EPHB1: variants seen among roughly 807,000 people sequenced by gnomAD.
EPHB1 encodes the protein EPH receptor B1.
Under a neutral mutation model 94.4 loss-of-function variants are expected in EPHB1, and 30 were observed. The observed-to-expected ratio is 0.32, with a 90% CI of 0.24 to 0.43. EPHB1 has a LOEUF of 0.43. Ranked by LOEUF, EPHB1 falls within the 20% of genes least tolerant of loss-of-function variation. The pLI is 1.00. For synonymous variants in EPHB1, 522 were observed against 489.1 expected (o/e 1.07, Z -0.89); for missense variants, 1,055 against 1,308.3 (o/e 0.81, Z 2.99).
intron 3 of EPHB1, among the ~76,000 whole-genome samples, chr3:134,978,505 G>C (rs1312452666): frequency 6.6e-6 from 1 of 152,158 alleles, no homozygotes; most frequent in East Asian, 1.9e-4. Flanking sequence ...CGGTGCTAAG[G>C]GGTTCCCAGA....
chr3:135,106,496 C>G lies in EPHB1; in HGVS notation c.854C>G (p.Ser285Cys). 6.2e-7 allele frequency: 1 copy of G among 1,614,028 alleles called. No homozygotes were observed. The highest frequency in any genetic ancestry group is 8.5e-7 in the Non-Finnish European group (1 of 1,179,886). ...FKASQEAEGC[S>C]HCPSNSRSPA... ...GCCAGCCAGGAAGCTGAAGGCTGCTCCCACTGCCCCTCCAACAGCCGCTCC... is the reference window on the plus strand; with the variant it reads ...GCCAGCCAGGAAGCTGAAGGCTGCTGCCACTGCCCCTCCAACAGCCGCTCC... The change falls in exon 4 of 16, where the codon TCC becomes TGC. Residue 285 changes from serine (S) to cysteine (C), a missense_variant. Coordinates refer to ENST00000398015, the MANE Select transcript of EPHB1 (RefSeq NM_004441.5).
intron 3 of EPHB1, among the ~76,000 whole-genome samples, chr3:134,972,233 C>A (rs533225199): frequency 6.6e-6 from 1 of 151,894 alleles, no homozygotes; most frequent in South Asian, 2.1e-4. Context: ...TTTTCCTTCT[C>A]CTTCAGAGCA....
At chr3:135,253,209 G>T (rs1195414734) in intron 15 of EPHB1, among the ~76,000 whole-genome samples, 15 of 150,472 alleles carry the variant, frequency 1.0e-4, no homozygotes, top group African/African-American at 2.2e-4. Flanking sequence ...AGAAGCTCTT[G>T]AGTTTAATTA....
chr3:135,253,714 A>G (rs1440776453), intron 15 of EPHB1, among the ~76,000 whole-genome samples: 499 of 147,868 alleles, frequency 3.4e-3, no homozygotes, highest in African/African-American at 0.011. Flanking sequence ...TTGGTTCCAT[A>G]TGAACTTTAA....
intron 3 of EPHB1, among the ~76,000 whole-genome samples, chr3:135,064,811 C>A (rs1937560398): frequency 2.6e-5 from 4 of 151,926 alleles, no homozygotes; most frequent in Non-Finnish European, 5.9e-5. Flanking sequence ...TCAGTTTATG[C>A]TCTTTTAGTC....
At chr3:135,252,566 T>C (rs977712517) in intron 15 of EPHB1, among the ~76,000 whole-genome samples, 2 of 149,078 alleles carry the variant, frequency 1.3e-5, no homozygotes, top group African/African-American at 4.9e-5. Context: ...TATGGCTGCA[T>C]AGTATTCCAC....
At chr3:135,122,334 A>C (rs1010868413) in intron 4 of EPHB1, among the ~76,000 whole-genome samples, 2 of 152,326 alleles carry the variant, frequency 1.3e-5, no homozygotes, top group East Asian at 3.9e-4. Flanking sequence ...TCCTCACTGT[A>C]GAAAGCTTTT....
At chr3:135,255,716 T>C (rs1442998462) in intron 15 of EPHB1, among the ~76,000 whole-genome samples, 11 of 151,286 alleles carry the variant, frequency 7.3e-5, no homozygotes, top group Non-Finnish European at 1.3e-4. Context: ...TGGAGAGTTC[T>C]GTAGATGTCT....
chr3:135,020,402 G>C (rs1470302001), intron 3 of EPHB1, among the ~76,000 whole-genome samples: 2 of 152,054 alleles, frequency 1.3e-5, no homozygotes, highest in Non-Finnish European at 2.9e-5. Flanking sequence ...AGAAGCCCTT[G>C]CCCAATAGCA....
intron 2 of EPHB1, 92 bp downstream of exon 2, chr3:134,925,972 T>C: frequency 8.8e-7 from 1 of 1,131,168 alleles, no homozygotes. Flanking sequence ...GAGCAGTACC[T>C]GTGGGGAATG....
At chr3:134,840,788 G>A (rs78938390) in intron 1 of EPHB1, among the ~76,000 whole-genome samples, 2,567 of 152,288 alleles carry the variant, frequency 0.017, 32 homozygotes, top group Non-Finnish European at 0.026. Flanking sequence ...TGAGGTCTCT[G>A]ACTGGCCCTC....
chr3:135,201,423 T>G, intron 11 of EPHB1, 51 bp from the exon 12 acceptor site: 1 of 1,591,082 alleles, frequency 6.3e-7, no homozygotes, highest in Non-Finnish European at 8.6e-7. Context: ...CTCCCTCTGC[T>G]TAACCATTGA....
chr3:135,200,699 A>C (rs1298328864), intron 11 of EPHB1, among the ~76,000 whole-genome samples: 1 of 152,138 alleles, frequency 6.6e-6, no homozygotes, highest in Non-Finnish European at 1.5e-5. Flanking sequence ...GACAGACAGA[A>C]AGACACACAC....
At chr3:135,055,403 G>T (rs1937320027) in intron 3 of EPHB1, among the ~76,000 whole-genome samples, 1 of 152,208 alleles carries the variant, frequency 6.6e-6, no homozygotes, top group Non-Finnish European at 1.5e-5. Context: ...GCCTGTGCTT[G>T]CCCAGGTGTT....
chr3:134,931,373 G>C (rs1278467065), intron 2 of EPHB1, among the ~76,000 whole-genome samples: 1 of 152,244 alleles, frequency 6.6e-6, no homozygotes, highest in Non-Finnish European at 1.5e-5. Context: ...TACTTTTGAA[G>C]TGGTTGGCCA....
At chr3:134,809,898 A>C (rs1340890843) in intron 1 of EPHB1, among the ~76,000 whole-genome samples, 1 of 152,328 alleles carries the variant, frequency 6.6e-6, no homozygotes, top group East Asian at 1.9e-4. Context: ...GCAGCGAATT[A>C]GGTCCATTTA....
intron 14 of EPHB1, among the ~76,000 whole-genome samples, chr3:135,248,738 A>G (rs1943989651): frequency 6.6e-6 from 1 of 152,098 alleles, no homozygotes; most frequent in Non-Finnish European, 1.5e-5. Context: ...GGAAAAAAGT[A>G]AACGAGTTTT....
intron 12 of EPHB1, among the ~76,000 whole-genome samples, chr3:135,232,589 A>G (rs925936656): frequency 2.0e-5 from 3 of 149,622 alleles, no homozygotes; most frequent in African/African-American, 7.3e-5. Flanking sequence ...TATACTTGAC[A>G]GAAACATTAA....
chr3:135,063,699 T>G (rs1330803720), intron 3 of EPHB1, among the ~76,000 whole-genome samples: 1 of 152,218 alleles, frequency 6.6e-6, no homozygotes, highest in Non-Finnish European at 1.5e-5. Context: ...CTTGTCTGAT[T>G]GCTCTGGCTA....
Sources: gnomAD v4.1 joint callset for allele counts (sites outside exome capture counted in the v4.1 genomes callset) on GRCh38, gnomAD v4.1.1 for gene constraint, MANE v1.5 for transcripts, NCBI Gene and HGNC (gene_info 2026-07-23, HGNC 2026-07-21) for gene names.